Variants in LIMD1 observed in about 807,000 individuals in gnomAD.
The protein encoded by LIMD1 is LIM domain containing 1, also known as LIM domain-containing protein 1.
A neutral mutation model predicts 58.4 loss-of-function variants in LIMD1; 23 were observed. The observed-to-expected ratio is 0.39, with a 90% confidence interval of 0.28 to 0.56. LIMD1 has a LOEUF of 0.56. Ranked by LOEUF, LIMD1 falls within the 20% of genes least tolerant of loss-of-function variation. The pLI, the probability that LIMD1 is intolerant of heterozygous loss-of-function variation, is 0.57. For synonymous variants in LIMD1, 334 were observed against 345.5 expected, an observed-to-expected ratio of 0.97 and a Z score of 0.37; for missense variants, 838 against 855.5, an observed-to-expected ratio of 0.98 and a Z score of 0.25.
intron 7 of LIMD1, 63 bp downstream of exon 7, chr3:45,674,474 CG>C (rs1697640682): frequency 7.6e-7 from 1 of 1,320,998 alleles, no homozygotes; most frequent in African/African-American, 1.4e-5. Flanking sequence ...AAGCATCCTG[CG>C]TTGACTGGGG....
rs1453459169 is a variant in LIMD1 at position 45,684,848 on chromosome 3, A to G, written c.*7789A>G. The G allele has an allele frequency of 1.3e-5, 2 of 152,160 alleles. No homozygotes were observed. The highest frequency in any genetic ancestry group is 1.3e-4 in the Admixed American group (2 of 15,270). 9.4% of individuals were successfully genotyped at this position (152,160 alleles called of 1,614,324 possible). A position where few individuals can be genotyped will look rare whatever the true frequency, so the allele number is the denominator to read the frequency against. On this transcript the variant is annotated 3_prime_UTR_variant, in exon 8 of 8. Transcript: ENST00000273317. ...CTTCCAGGTGCAGCTGCCGGCATTT[A>G]TCTGTGCAAGCTTCTAGCTTGCTTA...
At chr3:45,616,288 A>T (rs1701575927) in intron 1 of LIMD1, among the ~76,000 whole-genome samples, 1 of 151,816 alleles carries the variant, frequency 6.6e-6, no homozygotes, top group African/African-American at 2.4e-5. Context: ...TTCCTGACAA[A>T]CCTCTGTTCC....
intron 1 of LIMD1, among the ~76,000 whole-genome samples, chr3:45,614,732 GATAATA>G (rs1272349534): frequency 6.9e-6 from 1 of 144,288 alleles, no homozygotes; most frequent in Non-Finnish European, 1.5e-5. Context: ...CAAAAAAAGT[GATAATA>G]ATAATAAAAT....
chr3:45,626,064 A>G (rs561912987), intron 1 of LIMD1, among the ~76,000 whole-genome samples: 4 of 152,340 alleles, frequency 2.6e-5, no homozygotes, highest in Admixed American at 1.3e-4. Context: ...TTGGTGGATC[A>G]TTGCCTCCTG....
intron 2 of LIMD1, among the ~76,000 whole-genome samples, chr3:45,654,829 AAAAAAG>A (rs1253442010): frequency 1.4e-4 from 21 of 145,790 alleles, no homozygotes; most frequent in African/African-American, 5.2e-4. Context: ...AAAAAAAAAA[AAAAAAG>A]AAAAAAGAAA....
intron 1 of LIMD1, chr3:45,612,824 G>A (rs1314858676): frequency 6.6e-6 from 1 of 152,170 alleles, no homozygotes; most frequent in Non-Finnish European, 1.5e-5. Flanking sequence ...TTGTGAATCA[G>A]CTTACTTGCT....
chr3:45,608,372 G>A (rs2578692), intron 1 of LIMD1, among the ~76,000 whole-genome samples: 44,390 of 152,068 alleles, frequency 0.29, 6,604 homozygotes, highest in East Asian at 0.36. Flanking sequence ...GACACCTTGT[G>A]TGTATGGGCG....
Position 45,661,819 on chromosome 3 carries a change from C to T in LIMD1, c.1511-3831C>T, listed in dbSNP as rs186332742. On this transcript the variant is annotated intron_variant, in intron 2 of 7. Transcript: ENST00000273317. ...TATTGCCCAGGCTGGCGTGCACAGA[C>T]GTGATCTCAGCTCACTGCAGTCTCA... 2.8e-4 allele frequency among the ~76,000 whole-genome samples: 43 copies of T among 152,342 alleles called. No individual in the cohort carries two copies. The East Asian group carries it at 6.4e-3, about 23-fold the overall frequency.
intron 1 of LIMD1, among the ~76,000 whole-genome samples, chr3:45,601,872 C>T (rs1023433599): frequency 5.3e-5 from 8 of 151,984 alleles, no homozygotes; most frequent in African/African-American, 1.7e-4. Context: ...TCTCCACCCA[C>T]GTACTGTAGG....
chr3:45,671,315 G>A lies in LIMD1; in HGVS notation c.1642-1375G>A, dbSNP rs539001043. On this transcript the variant is annotated intron_variant, in intron 4 of 7. Transcript: ENST00000273317. ...AGTTATCCGCCTGAGGCTTCCAGGG[G>A]AAGGAGCTGTAACACAGCATATCTT... is the stretch of plus-strand genomic sequence containing the variant. Among the ~76,000 whole-genome samples, 8 of 152,326 alleles carry A rather than the reference G, an allele frequency of 5.3e-5. No homozygotes were observed. In the South Asian group the frequency reaches 1.7e-3, roughly 32 times the overall value.
chr3:45,663,486 A>G (rs1310134969), intron 2 of LIMD1, among the ~76,000 whole-genome samples: 3 of 152,188 alleles, frequency 2.0e-5, no homozygotes, highest in Admixed American at 6.5e-5. Context: ...TTGCCAATCT[A>G]TGAAAGTGAG....
At chr3:45,615,740 G>T (rs893155179) in intron 1 of LIMD1, among the ~76,000 whole-genome samples, 3 of 150,900 alleles carry the variant, frequency 2.0e-5, no homozygotes, top group African/African-American at 7.3e-5. Flanking sequence ...TGGGTGGGTT[G>T]ACAACTTGTC....
chr3:45,628,852 G>GT (rs374696701), intron 1 of LIMD1, among the ~76,000 whole-genome samples: 39 of 152,348 alleles, frequency 2.6e-4, no homozygotes, highest in African/African-American at 9.1e-4. Context: ...CCTGCTGCAT[G>GT]TAACAGCATG....
chr3:45,612,068 G>A (rs1056776611), intron 1 of LIMD1, among the ~76,000 whole-genome samples: 6 of 89,406 alleles, frequency 6.7e-5, no homozygotes, highest in South Asian at 6.2e-4. Context: ...TTGCAGGTGC[G>A]CGCTCTCTCT....
chr3:45,626,290 C>T (rs1383057063), intron 1 of LIMD1, among the ~76,000 whole-genome samples: 2 of 152,122 alleles, frequency 1.3e-5, no homozygotes, highest in African/African-American at 2.4e-5. Context: ...AACCTGCACA[C>T]GAATGTTTAT....
intron 1 of LIMD1, among the ~76,000 whole-genome samples, chr3:45,626,405 G>GA (rs1218158390): frequency 1.3e-5 from 2 of 152,154 alleles, no homozygotes; most frequent in African/African-American, 2.4e-5. Context: ...TTAGCACTAA[G>GA]AAAAAATGAG....
intron 2 of LIMD1, among the ~76,000 whole-genome samples, chr3:45,654,829 A>AAAAAAG (rs1253442010): frequency 2.9e-4 from 43 of 145,768 alleles, no homozygotes; most frequent in South Asian, 8.6e-4. Context: ...AAAAAAAAAA[A>AAAAAAG]AAAAAGAAAA....
At chr3:45,613,403 A>T (rs1001442246) in intron 1 of LIMD1, among the ~76,000 whole-genome samples, 6 of 152,352 alleles carry the variant, frequency 3.9e-5, no homozygotes, top group African/African-American at 1.2e-4. Context: ...ATGAGAATCA[A>T]CTATAGTACT....
At chr3:45,597,395 T>C (rs1375613742) in intron 1 of LIMD1, among the ~76,000 whole-genome samples, 2 of 152,218 alleles carry the variant, frequency 1.3e-5, no homozygotes, top group East Asian at 1.9e-4. Context: ...ACCACAGCCG[T>C]GGCACAAACT....
Sources: allele counts gnomAD v4.1 joint callset (sites outside exome capture counted in the v4.1 genomes callset), GRCh38; gene constraint gnomAD v4.1.1; transcripts MANE v1.5; gene names NCBI Gene and HGNC (gene_info 2026-07-23, HGNC 2026-07-21).